The following STK24 variants were observed in gnomAD, a reference collection of about 807,000 sequenced individuals.
STK24 encodes serine/threonine-protein kinase 24.
STK24 carries 21 observed loss-of-function variants against 55.6 expected under a neutral mutation model. The observed-to-expected ratio is 0.38, with a 90% CI of 0.27 to 0.54. The LOEUF is 0.54. Among genes scored for constraint, STK24 ranks in the 20% least tolerant of loss-of-function variants. The pLI is 0.79. For missense variants in STK24, 383 were observed against 538.4 expected (o/e 0.71, Z 2.86); for synonymous variants, 200 against 215.2 (o/e 0.93, Z 0.62).
rs1436482128 is a variant in STK24 at position 98,577,091 on chromosome 13, G to A, written c.-305C>T. 2.1e-5 allele frequency: 3 copies of A among 145,572 alleles called. No individual in the cohort carries two copies. The highest frequency in any genetic ancestry group is 2.0e-4 in the East Asian group (1 of 4,998). 9.0% of individuals were successfully genotyped at this position (145,572 alleles called of 1,614,324 possible). A position where few individuals can be genotyped will look rare whatever the true frequency, so the allele number is the denominator to read the frequency against. ...GGGCGGCCTGGGCCCGCGCGCGCTG[G>A]CCGCTGGAGCCGGAGTGGGCGCGCA... On this transcript the variant is annotated 5_prime_UTR_variant, in exon 1 of 11. Coordinates refer to ENST00000539966, the MANE Select transcript of STK24 (RefSeq NM_001032296.4). The surrounding 1 kb of genome is among the most constrained non-coding windows in gnomAD (Gnocchi z 4.1).
intron 1 of STK24, among the ~76,000 whole-genome samples, chr13:98,563,067 C>T (rs904957357): frequency 6.6e-6 from 1 of 152,118 alleles, no homozygotes; most frequent in African/African-American, 2.4e-5. Context: ...CGATTTGCTC[C>T]ACAACATACA....
In STK24 at chr13:98,453,006, A is replaced by G; in HGVS notation, c.*167T>C. The G allele has an allele frequency of 1.6e-6, 1 of 611,788 alleles. No homozygotes were observed. The highest frequency in any genetic ancestry group is 1.9e-5 in the African/African-American group (1 of 53,146). 37.9% of individuals were successfully genotyped at this position (611,788 alleles called of 1,614,324 possible). ...CATCTGAGAGACTTCATCTGGCTGCAGCACAGTGAAGACTGTGTGTGTCCC... is the reference window on the plus strand; with the variant it reads ...CATCTGAGAGACTTCATCTGGCTGCGGCACAGTGAAGACTGTGTGTGTCCC... On this transcript the variant is annotated 3_prime_UTR_variant, in exon 11 of 11. Coordinates refer to ENST00000539966, the MANE Select transcript of STK24 (RefSeq NM_001032296.4).
At position 98,448,366 on chromosome 13, in the gene STK24, T is replaced by G. The variant is rs72652248; in HGVS notation, c.*4807A>C. 7.1e-7 allele frequency: 1 copy of G among 1,400,398 alleles called. No individual in the cohort carries two copies. Among genetic ancestry groups the G allele is most frequent in the Admixed American group, 1.7e-5 (1 of 59,614 alleles). The allele number at this position is 1,400,398 out of a possible 1,614,324, so 86.7% of individuals were successfully genotyped here. A position where few individuals can be genotyped will look rare whatever the true frequency, so the allele number is the denominator to read the frequency against. On this transcript the variant is annotated 3_prime_UTR_variant, in exon 11 of 11. Transcript: ENST00000539966. ...AGTGGCTGCTTTCCTGGAAGACGTTTCCTTTCTTCTGTATTAATGAAGCCT... is the reference window on the plus strand; with the variant it reads ...AGTGGCTGCTTTCCTGGAAGACGTTGCCTTTCTTCTGTATTAATGAAGCCT...
intron 6 of STK24, among the ~76,000 whole-genome samples, chr13:98,465,852 G>A (rs1300573233): frequency 1.3e-5 from 2 of 152,180 alleles, no homozygotes; most frequent in African/African-American, 4.8e-5. Flanking sequence ...CCACACAGTC[G>A]TTACTGCTGT....
In STK24 at chr13:98,499,576, G is replaced by C. The variant is rs145405053; in HGVS notation, c.274-17255C>G. Among the ~76,000 whole-genome samples the C allele has an allele frequency of 1.2e-3, 185 of 152,314 alleles. 2 individuals carry two copies. Among genetic ancestry groups the C allele is most frequent in the African/African-American group, 3.8e-3 (156 of 41,570 alleles). ...ATGGGGCATTTCAGGGGTGGGGTGCGTCATCGCTTCCCTGTGTGGATCTGA... is the reference window on the plus strand; with the variant it reads ...ATGGGGCATTTCAGGGGTGGGGTGCCTCATCGCTTCCCTGTGTGGATCTGA... On this transcript the variant is annotated intron_variant, in intron 2 of 10. Coordinates refer to ENST00000539966, the MANE Select transcript of STK24 (RefSeq NM_001032296.4).
At chr13:98,468,998 G>T (rs1231639863) in intron 5 of STK24, among the ~76,000 whole-genome samples, 4 of 152,252 alleles carry the variant, frequency 2.6e-5, no homozygotes, top group Non-Finnish European at 5.9e-5. Context: ...GGCAGGCCCT[G>T]GCAGAAGCCG....
intron 2 of STK24, among the ~76,000 whole-genome samples, chr13:98,506,098 C>A (rs540927339): frequency 6.6e-6 from 1 of 152,166 alleles, no homozygotes; most frequent in Non-Finnish European, 1.5e-5. Flanking sequence ...CAAAAGGACT[C>A]GCCAAAACAC....
intron 2 of STK24, among the ~76,000 whole-genome samples, chr13:98,507,747 G>C (rs550672693): frequency 2.0e-5 from 3 of 152,294 alleles, no homozygotes; most frequent in Non-Finnish European, 4.4e-5. Flanking sequence ...TCCTGAGGCA[G>C]GTCTCCAGGT....
intron 1 of STK24, among the ~76,000 whole-genome samples, chr13:98,536,178 T>C (rs1474381151): frequency 6.6e-6 from 1 of 152,056 alleles, no homozygotes; most frequent in East Asian, 1.9e-4. Context: ...TGTTCTTTTC[T>C]CCCTAGGTGG....
In STK24 at chr13:98,461,946, T is replaced by C. The variant is rs376496844; in HGVS notation, c.930-49A>G. The C allele has an allele frequency of 2.2e-5, 35 of 1,603,976 alleles. No homozygotes were observed. In the African/African-American group the frequency reaches 4.3e-4, roughly 20 times the overall value. On this transcript the variant is annotated intron_variant, in intron 7 of 10. Transcript: ENST00000539966. ...CCCATCAGTGCTCGCACACCTGCTC[T>C]GGGGGCGCTGGGACGTTCAGGGGGA...
At position 98,445,769 on chromosome 13, in the gene STK24, G is replaced by A; in HGVS notation, c.*7404C>T. 1 of 205,246 alleles carries A rather than the reference G, an allele frequency of 4.9e-6. No homozygotes were observed. Among genetic ancestry groups the A allele is most frequent in the South Asian group, 7.8e-5 (1 of 12,840 alleles). The allele number at this position is 205,246 out of a possible 1,614,324, so 12.7% of individuals were successfully genotyped here. A position where few individuals can be genotyped will look rare whatever the true frequency, so the allele number is the denominator to read the frequency against. ...TGGATTTAGGGCCCACCCTACCCCA[G>A]TGTGATCTCGTCTTCACTAGTTACC... On this transcript the variant is annotated 3_prime_UTR_variant, in exon 11 of 11. Coordinates refer to ENST00000539966, the MANE Select transcript of STK24 (RefSeq NM_001032296.4).
At position 98,446,942 on chromosome 13, in the gene STK24, C is replaced by T; in HGVS notation, c.*6231G>A. 9.4e-7 allele frequency: 1 copy of T among 1,058,992 alleles called. No individual in the cohort carries two copies. Among genetic ancestry groups the T allele is most frequent in the African/African-American group, 1.6e-5 (1 of 63,510 alleles). 65.6% of individuals were successfully genotyped at this position (1,058,992 alleles called of 1,614,324 possible). A position where few individuals can be genotyped will look rare whatever the true frequency, so the allele number is the denominator to read the frequency against. ...TTCCCTGCCAACTAAGCGTTTAGAC[C>T]TGGGGTCCCACTGCCCGACACCAGC... On this transcript the variant is annotated 3_prime_UTR_variant, in exon 11 of 11. Transcript: ENST00000539966.
Position 98,572,370 on chromosome 13 carries a change from T to G in STK24, c.42+4375A>C, listed in dbSNP as rs141229127. 8.1e-3 allele frequency among the ~76,000 whole-genome samples: 1,225 copies of G among 151,968 alleles called. 10 individuals carry two copies. The highest frequency in any genetic ancestry group is 0.014 in the Non-Finnish European group (965 of 67,984). On this transcript the variant is annotated intron_variant, in intron 1 of 10. Coordinates refer to ENST00000539966, the MANE Select transcript of STK24 (RefSeq NM_001032296.4). ...GTCCACACCCAGTGACACACCAACC[T>G]TCCCCCAGGGTGCAGATGGTAACAG... is the stretch of plus-strand genomic sequence containing the variant.
In STK24 at chr13:98,449,746, T is replaced by C. The variant is rs1893096041; in HGVS notation, c.*3427A>G. On this transcript the variant is annotated 3_prime_UTR_variant, in exon 11 of 11. Coordinates refer to ENST00000539966, the MANE Select transcript of STK24 (RefSeq NM_001032296.4). ...AAATACCTCACGCCACAATCCAGCATATTGATGTTTTAAGGCAAAACAACC... is the reference window on the plus strand; with the variant it reads ...AAATACCTCACGCCACAATCCAGCACATTGATGTTTTAAGGCAAAACAACC... 6.6e-6 allele frequency: 1 copy of C among 151,452 alleles called. No homozygotes were observed. Among genetic ancestry groups the C allele is most frequent in the South Asian group, 2.1e-4 (1 of 4,748 alleles). The allele number at this position is 151,452 out of a possible 1,614,324, so 9.4% of individuals were successfully genotyped here.
At position 98,530,042 on chromosome 13, in the gene STK24, G is replaced by A. The variant is rs569066246; in HGVS notation, c.43-10569C>T. On this transcript the variant is annotated intron_variant, in intron 1 of 10. Coordinates refer to ENST00000539966, the MANE Select transcript of STK24 (RefSeq NM_001032296.4). ...ACAAAAGGCCAATTGCAGGAAAAAT[G>A]ACGGCAAAGAAAGAAGGCAAAAGGC... 9.2e-5 allele frequency among the ~76,000 whole-genome samples: 14 copies of A among 152,216 alleles called. No individual in the cohort carries two copies. In the East Asian group the frequency reaches 2.3e-3, roughly 25 times the overall value.
At chr13:98,568,036 G>T (rs1157575033) in intron 1 of STK24, among the ~76,000 whole-genome samples, 1 of 150,384 alleles carries the variant, frequency 6.6e-6, no homozygotes, top group Non-Finnish European at 1.5e-5. Context: ...GTCTCGCTCT[G>T]TCGCCCAGGC....
chr13:98,565,000 C>G (rs1241859436), intron 1 of STK24, among the ~76,000 whole-genome samples: 1 of 152,194 alleles, frequency 6.6e-6, no homozygotes, highest in East Asian at 1.9e-4. Context: ...CAGGCCTATT[C>G]AATTCCCAAA....
intron 3 of STK24, 92 bp downstream of exon 3, chr13:98,482,173 A>C: frequency 6.0e-6 from 4 of 669,840 alleles, no homozygotes; most frequent in Non-Finnish European, 9.6e-6. Context: ...GAAAGAAAGA[A>C]AAAGAAATGG....
chr13:98,460,498 A>C, intron 8 of STK24, 58 bp from the exon 9 acceptor site: 3 of 1,452,430 alleles, frequency 2.1e-6, no homozygotes, highest in Non-Finnish European at 1.9e-6. Flanking sequence ...ATTGGCAATA[A>C]TTTAATAAAC....
Sources: allele counts gnomAD v4.1 joint callset (sites outside exome capture counted in the v4.1 genomes callset), GRCh38; gene constraint gnomAD v4.1.1; non-coding constraint Gnocchi (gnomAD v3.1); transcripts MANE v1.5; gene names NCBI Gene and HGNC (gene_info 2026-07-23, HGNC 2026-07-21).